The following CYP20A1 variants were observed in gnomAD, a reference collection of about 807,000 sequenced individuals.
The protein encoded by CYP20A1 is cytochrome P450 family 20 subfamily A member 1.
CYP20A1 carries 61 observed loss-of-function variants against 61.4 expected under a neutral mutation model. The observed-to-expected ratio is 0.99, with a 90% CI of 0.81 to 1.23. The LOEUF is 1.23. CYP20A1 is among the 50% of genes most tolerant of loss of function. The pLI, the probability that CYP20A1 is intolerant of heterozygous loss-of-function variation, is 0.00. For synonymous variants in CYP20A1, 193 were observed against 188.2 expected (o/e 1.03, Z -0.21); for missense variants, 530 against 542.4 (o/e 0.98, Z 0.23).
At chr2:203,278,365 T>TA (rs1396557601) in intron 6 of CYP20A1, among the ~76,000 whole-genome samples, 1 of 152,200 alleles carries the variant, frequency 6.6e-6, no homozygotes, top group African/African-American at 2.4e-5. Flanking sequence ...AAACTGTACT[T>TA]ACATGCTTTG....
intron 6 of CYP20A1, among the ~76,000 whole-genome samples, chr2:203,273,927 A>G (rs2067709747): frequency 6.6e-6 from 1 of 152,174 alleles, no homozygotes; most frequent in African/African-American, 2.4e-5. Context: ...AGCCTTGGTG[A>G]GAGAGTGAGA....
intron 4 of CYP20A1, among the ~76,000 whole-genome samples, chr2:203,261,054 T>G (rs1303015854): frequency 2.0e-5 from 3 of 151,974 alleles, no homozygotes; most frequent in Non-Finnish European, 4.4e-5. Flanking sequence ...ATATAATTAT[T>G]TGAACAGAGA....
intron 4 of CYP20A1, among the ~76,000 whole-genome samples, chr2:203,260,488 C>T (rs1328396752): frequency 1.3e-5 from 2 of 152,114 alleles, no homozygotes; most frequent in African/African-American, 2.4e-5. Context: ...TCCCAAAATG[C>T]TGGGATTACA....
chr2:203,280,577 T>G (rs1464877657), intron 8 of CYP20A1, among the ~76,000 whole-genome samples: 1 of 152,226 alleles, frequency 6.6e-6, no homozygotes, highest in African/African-American at 2.4e-5. Context: ...GGCGCATGCC[T>G]GTGGTTGCAG....
Position 203,305,718 on chromosome 2 carries a change from A to G in CYP20A1, c.*8810A>G, listed in dbSNP as rs2069190735. On this transcript the variant is annotated 3_prime_UTR_variant, in exon 13 of 13. Transcript: ENST00000356079. The stretch of plus-strand genomic sequence containing the variant: ...ATTTTGTTACTTTACCATTGTAACT[A>G]TGTCATAAAGTCATAAAGTACCTGT... The G allele has an allele frequency of 6.6e-6, 1 of 152,230 alleles. No homozygotes were observed. The highest frequency in any genetic ancestry group is 2.4e-5 in the African/African-American group (1 of 41,474). 9.4% of individuals were successfully genotyped at this position (152,230 alleles called of 1,614,324 possible).
intron 1 of CYP20A1, among the ~76,000 whole-genome samples, chr2:203,242,413 G>C (rs1038261843): frequency 6.6e-6 from 1 of 152,168 alleles, no homozygotes; most frequent in African/African-American, 2.4e-5. Flanking sequence ...AGAGAAGGAA[G>C]TGAGGTGAAT....
intron 10 of CYP20A1, 44 bp downstream of exon 10, chr2:203,289,920 C>A (rs768735481): frequency 4.9e-6 from 5 of 1,019,794 alleles, no homozygotes; most frequent in Admixed American, 2.0e-5. Flanking sequence ...CTATTCTCAA[C>A]TCTTTTGGTG....
chr2:203,243,852 C>T (rs1228506523), intron 1 of CYP20A1, among the ~76,000 whole-genome samples: 1 of 151,634 alleles, frequency 6.6e-6, no homozygotes, highest in East Asian at 2.0e-4. Context: ...CTGCACCCGG[C>T]GAATTTTTTG....
At chr2:203,275,445 T>G (rs1014938428) in intron 6 of CYP20A1, among the ~76,000 whole-genome samples, 5 of 151,978 alleles carry the variant, frequency 3.3e-5, no homozygotes, top group Non-Finnish European at 7.4e-5. Flanking sequence ...TTTTTTTTGT[T>G]TTTTTTTGAG....
chr2:203,267,759 C>T (rs1264268933), intron 5 of CYP20A1, among the ~76,000 whole-genome samples: 1 of 151,654 alleles, frequency 6.6e-6, no homozygotes, highest in East Asian at 1.9e-4. Context: ...CAGAGAACCA[C>T]CCAAACCCGG....
chr2:203,282,601 T>G (rs185339580), intron 8 of CYP20A1, among the ~76,000 whole-genome samples: 40 of 152,296 alleles, frequency 2.6e-4, no homozygotes, highest in African/African-American at 9.6e-4. Context: ...AGTGACTATT[T>G]CCAAGGTTGA....
At chr2:203,285,578 A>G (rs771643915) in intron 8 of CYP20A1, 34 bp from the exon 9 acceptor site, 10 of 1,502,422 alleles carry the variant, frequency 6.7e-6, no homozygotes, top group East Asian at 4.8e-5. Flanking sequence ...TGAGTTAGCT[A>G]TTTTCATTGT....
At position 203,299,215 on chromosome 2, in the gene CYP20A1, A is replaced by G. The variant is rs2068928975; in HGVS notation, c.*2307A>G. The stretch of plus-strand genomic sequence containing the variant: ...TGTAGGAAATATGCCAAGTACAGAT[A>G]GTGAGGAAAGAAAGGAAGAAAAATG... On this transcript the variant is annotated 3_prime_UTR_variant, in exon 13 of 13. Transcript: ENST00000356079. 6.6e-6 allele frequency among the ~76,000 whole-genome samples: 1 copy of G among 152,146 alleles called. No homozygotes were observed. Among genetic ancestry groups the G allele is most frequent in the South Asian group, 2.1e-4 (1 of 4,826 alleles).
intron 4 of CYP20A1, among the ~76,000 whole-genome samples, chr2:203,257,339 A>C (rs2066930970): frequency 6.6e-6 from 1 of 151,224 alleles, no homozygotes; most frequent in South Asian, 2.1e-4. Flanking sequence ...AAAAAATTCC[A>C]TTTGGTCAGT....
intron 4 of CYP20A1, among the ~76,000 whole-genome samples, chr2:203,260,867 T>C (rs1238826110): frequency 2.0e-5 from 3 of 152,194 alleles, no homozygotes; most frequent in Non-Finnish European, 4.4e-5. Flanking sequence ...TTTCCAACTT[T>C]AAGATTTTTA....
At chr2:203,287,974 C>T (rs777668074) in intron 9 of CYP20A1, among the ~76,000 whole-genome samples, 14 of 131,598 alleles carry the variant, frequency 1.1e-4, no homozygotes, top group Non-Finnish European at 8.1e-5. Context: ...TTTTTATCGT[C>T]GGTGGTGGTT....
chr2:203,268,103 T>TATCC (rs1439352125), intron 5 of CYP20A1, among the ~76,000 whole-genome samples: 14 of 152,162 alleles, frequency 9.2e-5, no homozygotes, highest in African/African-American at 2.7e-4. Flanking sequence ...TATCTTTATC[T>TATCC]ATCCATCTAT....
chr2:203,285,782 GT>G, intron 9 of CYP20A1, 50 bp downstream of exon 9: 1 of 1,459,774 alleles, frequency 6.9e-7, no homozygotes, highest in Non-Finnish European at 9.0e-7. Context: ...ATTTGAACTG[GT>G]TTATCTAATT....
rs2069022064 is a variant in CYP20A1, at chr2:203,301,492, A to T, written c.*4584A>T. ...CCCTGCGTCGCCCAGTCTTGTCTCA[A>T]ACTCCTAGGCTCAAGCGATCCTCCC... On this transcript the variant is annotated 3_prime_UTR_variant, in exon 13 of 13. Transcript: ENST00000356079. 6.6e-6 allele frequency among the ~76,000 whole-genome samples: 1 copy of T among 151,688 alleles called. No individual in the cohort carries two copies. Among genetic ancestry groups the T allele is most frequent in the African/African-American group, 2.4e-5 (1 of 41,304 alleles).
Sources: gnomAD v4.1 joint callset for allele counts (sites outside exome capture counted in the v4.1 genomes callset) on GRCh38, gnomAD v4.1.1 for gene constraint, MANE v1.5 for transcripts, NCBI Gene and HGNC (gene_info 2026-07-23, HGNC 2026-07-21) for gene names.